ADK: variants seen among roughly 807,000 people sequenced by gnomAD.
The protein encoded by ADK is adenosine kinase, also known as N6,N6-dimethyladenosine kinase.
In ADK, 24 loss-of-function variants were observed where a neutral mutation model predicts 44.7. That is an observed-to-expected ratio of 0.54 (90% confidence interval 0.39 to 0.76). The LOEUF is 0.76. ADK is among the 30% of genes least tolerant of loss of function. The probability of loss-of-function intolerance (pLI) is 0.00; values close to 1 mark genes in which losing one functional copy is unlikely to be tolerated. For synonymous variants in ADK, 128 were observed against 142.6 expected (o/e 0.90, Z 0.73); for missense variants, 321 against 425.1 (o/e 0.76, Z 2.15).
At chr10:74,504,398 T>C (rs1179414239) in intron 6 of ADK, among the ~76,000 whole-genome samples, 1 of 151,976 alleles carries the variant, frequency 6.6e-6, no homozygotes, top group South Asian at 2.1e-4. Flanking sequence ...TTAGAGGCAC[T>C]CCCCTCCCCC....
chr10:74,358,688 G>A (rs955329236), intron 4 of ADK, among the ~76,000 whole-genome samples: 13 of 152,098 alleles, frequency 8.5e-5, no homozygotes, highest in Admixed American at 2.6e-4. Context: ...GAAAGACAAA[G>A]GTATTAGAAT....
intron 7 of ADK, among the ~76,000 whole-genome samples, chr10:74,552,132 G>A (rs1457697691): frequency 6.6e-6 from 1 of 151,848 alleles, no homozygotes; most frequent in Non-Finnish European, 1.5e-5. Context: ...CATTTTAGTG[G>A]GTAGTAAAAC....
At chr10:74,467,019 A>G (rs1846381402) in intron 6 of ADK, among the ~76,000 whole-genome samples, 1 of 152,178 alleles carries the variant, frequency 6.6e-6, no homozygotes. Flanking sequence ...ATCTTAAATG[A>G]CATATTTTAG....
intron 6 of ADK, among the ~76,000 whole-genome samples, chr10:74,499,505 G>A (rs1454984281): frequency 5.3e-5 from 8 of 152,046 alleles, no homozygotes; most frequent in Admixed American, 1.3e-4. Flanking sequence ...TGGCTGAAGC[G>A]GTGAAACCCC....
At chr10:74,585,152 A>G (rs369916955) in intron 7 of ADK, among the ~76,000 whole-genome samples, 1 of 152,146 alleles carries the variant, frequency 6.6e-6, no homozygotes, top group African/African-American at 2.4e-5. Context: ...TGATTAACAT[A>G]GTTTTTCCCT....
At chr10:74,266,685 A>C (rs1236777089) in intron 3 of ADK, among the ~76,000 whole-genome samples, 2 of 152,128 alleles carry the variant, frequency 1.3e-5, no homozygotes, top group African/African-American at 4.8e-5. Flanking sequence ...ATTTTGAAAA[A>C]TTTTCTGGAA....
chr10:74,584,389 T>G (rs1237733597), intron 7 of ADK, among the ~76,000 whole-genome samples: 1 of 152,192 alleles, frequency 6.6e-6, no homozygotes, highest in South Asian at 2.1e-4. Context: ...TGGCTCAAGA[T>G]TACATAGCAA....
At chr10:74,697,931 A>G (rs903837373) in intron 10 of ADK, among the ~76,000 whole-genome samples, 5 of 152,234 alleles carry the variant, frequency 3.3e-5, no homozygotes, top group Admixed American at 3.3e-4. Context: ...CATGTCAAAT[A>G]CCAGATACAA....
intron 3 of ADK, among the ~76,000 whole-genome samples, chr10:74,311,725 A>G (rs1281902347): frequency 6.6e-6 from 1 of 152,260 alleles, no homozygotes. Flanking sequence ...AGTATGAAGT[A>G]GTGATCAGAA....
intron 6 of ADK, among the ~76,000 whole-genome samples, chr10:74,501,178 A>G (rs1847872560): frequency 6.6e-6 from 1 of 152,246 alleles, no homozygotes; most frequent in Admixed American, 6.5e-5. Flanking sequence ...GATTTAAAAC[A>G]ACTGTGTCTG....
chr10:74,668,813 G>C (rs1855065138), intron 9 of ADK, among the ~76,000 whole-genome samples: 1 of 152,150 alleles, frequency 6.6e-6, no homozygotes, highest in African/African-American at 2.4e-5. Flanking sequence ...CAGGAGGATT[G>C]CTCGAGCACA....
At chr10:74,220,606 AT>A (rs1844266970) in intron 2 of ADK, among the ~76,000 whole-genome samples, 1 of 152,252 alleles carries the variant, frequency 6.6e-6, no homozygotes, top group African/African-American at 2.4e-5. Flanking sequence ...ATGAACATTA[AT>A]GCAAAAATCC....
intron 7 of ADK, among the ~76,000 whole-genome samples, chr10:74,546,139 T>C (rs937533534): frequency 4.6e-5 from 7 of 152,204 alleles, no homozygotes; most frequent in African/African-American, 1.7e-4. Context: ...CCTAGAAATA[T>C]ACCATGAGGA....
At chr10:74,635,445 A>G (rs1589318989) in intron 9 of ADK, among the ~76,000 whole-genome samples, 1 of 152,320 alleles carries the variant, frequency 6.6e-6, no homozygotes, top group South Asian at 2.1e-4. Context: ...ATGTGATTCC[A>G]TTTGTATAAA....
intron 7 of ADK, among the ~76,000 whole-genome samples, chr10:74,572,325 A>G (rs1037600955): frequency 6.6e-6 from 1 of 152,212 alleles, no homozygotes; most frequent in Non-Finnish European, 1.5e-5. Flanking sequence ...AATGTTGAAT[A>G]TTGGCCCCCA....
chr10:74,374,359 A>G (rs748906122), intron 4 of ADK, among the ~76,000 whole-genome samples: 3 of 152,130 alleles, frequency 2.0e-5, no homozygotes, highest in Non-Finnish European at 4.4e-5. Context: ...GATTTTACCC[A>G]TATGTGATGT....
chr10:74,642,968 T>C (rs1853925577), intron 9 of ADK, among the ~76,000 whole-genome samples: 1 of 151,692 alleles, frequency 6.6e-6, no homozygotes, highest in Non-Finnish European at 1.5e-5. Context: ...GCCTCCTAAG[T>C]AGCTAGGACT....
intron 1 of ADK, among the ~76,000 whole-genome samples, chr10:74,160,719 A>ATGTGTG: frequency 7.3e-6 from 1 of 137,004 alleles, no homozygotes; most frequent in East Asian, 2.2e-4. Context: ...GTGTGTGTGT[A>ATGTGTG]TGTGTGTGTG....
intron 5 of ADK, among the ~76,000 whole-genome samples, chr10:74,395,924 T>C (rs1190929601): frequency 6.6e-6 from 1 of 152,064 alleles, no homozygotes; most frequent in African/African-American, 2.4e-5. Flanking sequence ...AGTAGGAGAA[T>C]TGCTTGAACC....
Sources: allele counts gnomAD v4.1 joint callset (sites outside exome capture counted in the v4.1 genomes callset), GRCh38; gene constraint gnomAD v4.1.1; transcripts MANE v1.5; gene names NCBI Gene and HGNC (gene_info 2026-07-23, HGNC 2026-07-21).